The following GSK3B variants were observed in gnomAD, a reference collection of about 807,000 sequenced individuals.
GSK3B encodes the protein glycogen synthase kinase 3 beta.
A neutral mutation model predicts 56.4 loss-of-function variants in GSK3B; 15 were observed. The observed-to-expected ratio is 0.27, with a 90% CI of 0.18 to 0.41. The LOEUF (loss-of-function observed/expected upper bound fraction) is 0.41. GSK3B is among the 10% of genes least tolerant of loss of function. The probability of loss-of-function intolerance (pLI) is 1.00; values close to 1 mark genes in which losing one functional copy is unlikely to be tolerated. For synonymous variants in GSK3B, 181 were observed against 188.9 expected (o/e 0.96, Z 0.34); for missense variants, 300 against 513.4 (o/e 0.58, Z 4.02).
chr3:119,943,182 A>C (rs2057066889), intron 3 of GSK3B, among the ~76,000 whole-genome samples: 1 of 152,230 alleles, frequency 6.6e-6, no homozygotes, highest in Non-Finnish European at 1.5e-5. Context: ...CAAAATAGAC[A>C]TATCATTCAG....
At chr3:120,089,762 C>T (rs1474308865) in intron 1 of GSK3B, among the ~76,000 whole-genome samples, 1 of 152,148 alleles carries the variant, frequency 6.6e-6, no homozygotes, top group African/African-American at 2.4e-5. Flanking sequence ...CAAACAGTCC[C>T]TTACTTTCCC....
At chr3:120,060,395 G>A (rs2058226655) in intron 1 of GSK3B, among the ~76,000 whole-genome samples, 1 of 152,088 alleles carries the variant, frequency 6.6e-6, no homozygotes, top group Admixed American at 6.6e-5. Flanking sequence ...AGCAATCTGG[G>A]AACAAATTTC....
intron 1 of GSK3B, among the ~76,000 whole-genome samples, chr3:120,027,915 AT>A (rs2057941447): frequency 6.6e-6 from 1 of 152,242 alleles, no homozygotes; most frequent in Admixed American, 6.5e-5. Context: ...ATATTCAATT[AT>A]ATTCTTTCCA....
At chr3:119,861,068 T>C (rs1386744042) in intron 9 of GSK3B, among the ~76,000 whole-genome samples, 2 of 152,210 alleles carry the variant, frequency 1.3e-5, no homozygotes, top group Non-Finnish European at 2.9e-5. Context: ...TTTATTCTGG[T>C]CATCCATTAA....
chr3:120,060,891 T>G (rs1272653677), intron 1 of GSK3B, among the ~76,000 whole-genome samples: 1 of 152,218 alleles, frequency 6.6e-6, no homozygotes, highest in Non-Finnish European at 1.5e-5. Context: ...AGTCAGTCAA[T>G]CTGTCCACCT....
intron 8 of GSK3B, among the ~76,000 whole-genome samples, chr3:119,874,082 T>C (rs2056279425): frequency 6.6e-6 from 1 of 152,162 alleles, no homozygotes; most frequent in South Asian, 2.1e-4. Flanking sequence ...ACATATTTAG[T>C]ACAGCTCTTT....
chr3:120,066,149 C>A (rs334561), intron 1 of GSK3B, among the ~76,000 whole-genome samples: 14,885 of 152,120 alleles, frequency 0.098, 784 homozygotes, highest in South Asian at 0.15. Flanking sequence ...CACAGACATA[C>A]AACCACACCC....
intron 9 of GSK3B, among the ~76,000 whole-genome samples, chr3:119,844,439 G>C (rs888246893): frequency 1.3e-5 from 2 of 151,592 alleles, no homozygotes; most frequent in African/African-American, 4.8e-5. Flanking sequence ...CTGCTAGCCA[G>C]ATTAATAAAG....
intron 9 of GSK3B, among the ~76,000 whole-genome samples, chr3:119,852,568 G>A (rs1033720790): frequency 3.9e-5 from 6 of 151,942 alleles, no homozygotes; most frequent in Non-Finnish European, 5.9e-5. Flanking sequence ...GGCTGGTCTC[G>A]AACTCTTTAC....
chr3:120,080,808 C>T lies in GSK3B; in HGVS notation c.88+12539G>A, dbSNP rs1254259656. On this transcript the variant is annotated intron_variant, in intron 1 of 10. Coordinates refer to ENST00000264235, the MANE Select transcript of GSK3B (RefSeq NM_001146156.2). ...TCACGCCACTGCACTCCATCCTGGG[C>T]AATACAGCAAGACTCAGTCTCAAAA... is the stretch of plus-strand genomic sequence containing the variant. Among the ~76,000 whole-genome samples the T allele has an allele frequency of 3.3e-5, 5 of 149,698 alleles. No homozygotes were observed. In the East Asian group the frequency reaches 9.8e-4, roughly 29 times the overall value.
At chr3:119,904,804 G>A (rs527427096) in intron 7 of GSK3B, among the ~76,000 whole-genome samples, 2 of 152,032 alleles carry the variant, frequency 1.3e-5, no homozygotes, top group African/African-American at 4.8e-5. Context: ...TTGTACATTG[G>A]ACAACATGAC....
intron 1 of GSK3B, among the ~76,000 whole-genome samples, chr3:120,069,075 A>G (rs2058305141): frequency 6.6e-6 from 1 of 152,196 alleles, no homozygotes; most frequent in Non-Finnish European, 1.5e-5. Context: ...GAAACCTGTC[A>G]TTCATTCTTC....
chr3:119,841,495 G>T (rs1307899473), intron 10 of GSK3B, among the ~76,000 whole-genome samples: 1 of 151,968 alleles, frequency 6.6e-6, no homozygotes, highest in African/African-American at 2.4e-5. Flanking sequence ...ACGTAACCTG[G>T]GCCAGTATTA....
At chr3:120,050,036 C>CT (rs1162423991) in intron 1 of GSK3B, among the ~76,000 whole-genome samples, 1 of 152,212 alleles carries the variant, frequency 6.6e-6, no homozygotes, top group Admixed American at 6.5e-5. Context: ...GCCCTGGCTT[C>CT]TGGTGAGGAC....
At chr3:119,879,680 T>C (rs550827459) in intron 7 of GSK3B, among the ~76,000 whole-genome samples, 2 of 152,136 alleles carry the variant, frequency 1.3e-5, no homozygotes, top group Non-Finnish European at 2.9e-5. Flanking sequence ...ATCATTCTAC[T>C]CCCTATCTCC....
intron 7 of GSK3B, among the ~76,000 whole-genome samples, chr3:119,899,373 G>GT (rs1287317813): frequency 6.6e-6 from 1 of 152,122 alleles, no homozygotes; most frequent in Non-Finnish European, 1.5e-5. Flanking sequence ...GACTACTGTA[G>GT]TAACAGTAAT....
At chr3:119,833,148 G>C (rs2055631094) in intron 10 of GSK3B, among the ~76,000 whole-genome samples, 1 of 122,494 alleles carries the variant, frequency 8.2e-6, no homozygotes, top group Non-Finnish European at 1.6e-5. Context: ...AAATGGTCCT[G>C]TCCATACTCC....
At chr3:119,857,458 C>CT (rs2056038245) in intron 9 of GSK3B, among the ~76,000 whole-genome samples, 1 of 152,168 alleles carries the variant, frequency 6.6e-6, no homozygotes. Context: ...CAAGAAACCA[C>CT]TTTTTTTGCT....
intron 8 of GSK3B, 53 bp from the exon 9 acceptor site, chr3:119,863,658 AG>A: frequency 1.8e-6 from 2 of 1,105,036 alleles, no homozygotes; most frequent in African/African-American, 3.1e-5. Flanking sequence ...TAAGAATCTA[AG>A]CAAATACCCT....
Sources: allele counts gnomAD v4.1 joint callset (sites outside exome capture counted in the v4.1 genomes callset), GRCh38; gene constraint gnomAD v4.1.1; transcripts MANE v1.5; gene names NCBI Gene and HGNC (gene_info 2026-07-23, HGNC 2026-07-21).